RGS12: variants seen among roughly 807,000 people sequenced by gnomAD.
RGS12 encodes regulator of G protein signaling 12, also known as regulator of G-protein signaling 12.
Under a neutral mutation model 120.1 loss-of-function variants are expected in RGS12, and 66 were observed. The observed-to-expected ratio is 0.55, with a 90% CI of 0.45 to 0.67. The LOEUF (loss-of-function observed/expected upper bound fraction) is 0.67, where lower values mean the gene tolerates loss of function less well. Among genes scored for constraint, RGS12 ranks in the 30% least tolerant of loss-of-function variants. The pLI, the probability that RGS12 is intolerant of heterozygous loss-of-function variation, is 0.00. For synonymous variants in RGS12, 827 were observed against 804.7 expected (o/e 1.03, Z -0.47); for missense variants, 1,859 against 1,957.7 (o/e 0.95, Z 0.95).
At chr4:3,336,678 G>C (rs1578757330) in intron 2 of RGS12, among the ~76,000 whole-genome samples, 1 of 152,166 alleles carries the variant, frequency 6.6e-6, no homozygotes, top group Non-Finnish European at 1.5e-5. Context: ...GGAATTTTTA[G>C]TTCTAGCAGT....
intron 17 of RGS12, among the ~76,000 whole-genome samples, chr4:3,434,813 C>A (rs1470562471): frequency 1.3e-5 from 2 of 152,204 alleles, no homozygotes; most frequent in Non-Finnish European, 2.9e-5. Context: ...AACAAAAAGC[C>A]CGGGAGCTGG....
At chr4:3,377,034 C>T (rs1334628666) in intron 3 of RGS12, among the ~76,000 whole-genome samples, 1 of 145,188 alleles carries the variant, frequency 6.9e-6, no homozygotes, top group African/African-American at 2.6e-5. Context: ...TTTTTTGAGA[C>T]AGGGTCTCAC....
intron 4 of RGS12, among the ~76,000 whole-genome samples, chr4:3,395,350 A>G (rs775077030): frequency 2.0e-5 from 3 of 152,216 alleles, no homozygotes; most frequent in Non-Finnish European, 4.4e-5. Context: ...TGGTGCAAAT[A>G]TGGCATCGTT....
chr4:3,353,729 G>C (rs1714605285), intron 3 of RGS12, among the ~76,000 whole-genome samples: 1 of 152,154 alleles, frequency 6.6e-6, no homozygotes, highest in African/African-American at 2.4e-5. Flanking sequence ...GGGAACTAGG[G>C]AAATGACCAT....
Position 3,428,463 on chromosome 4 carries a change from A to G in RGS12, c.3412-95A>G, listed in dbSNP as rs915274332. The G allele has an allele frequency of 8.2e-6, 9 of 1,099,540 alleles. No homozygotes were observed. The African/African-American group carries it at 9.4e-5, about 12-fold the overall frequency. 68.1% of individuals were successfully genotyped at this position (1,099,540 alleles called of 1,614,324 possible). A position where few individuals can be genotyped will look rare whatever the true frequency, so the allele number is the denominator to read the frequency against. On this transcript the variant is annotated intron_variant, in intron 15 of 17. Coordinates refer to ENST00000336727, the MANE Select transcript of RGS12 (RefSeq NM_001394154.1). ...TGCATGTAAATTCTGTATCAATGCA[A>G]TCTATTTCATAGAGCCTTCTACTCT...
chr4:3,431,006 T>C (rs377358517), intron 17 of RGS12, 51 bp downstream of exon 17: 310 of 1,589,526 alleles, frequency 2.0e-4, no homozygotes, highest in Non-Finnish European at 2.5e-4. Flanking sequence ...CGTGGTCTGC[T>C]CAGCTTCCAG....
intron 10 of RGS12, 124 bp from the exon 11 acceptor site, chr4:3,422,252 G>C: frequency 1.2e-6 from 1 of 866,340 alleles, no homozygotes; most frequent in Non-Finnish European, 1.8e-6. Context: ...GCTGCAGGTG[G>C]GACCGTGGCA....
chr4:3,319,737 C>G (rs546121161), intron 2 of RGS12, among the ~76,000 whole-genome samples: 1 of 152,262 alleles, frequency 6.6e-6, no homozygotes, highest in East Asian at 1.9e-4. Flanking sequence ...GAGCCACACG[C>G]GCCTGGCCTC....
intron 3 of RGS12, chr4:3,385,352 AAC>A (rs1395928015): frequency 1.3e-5 from 2 of 152,404 alleles, no homozygotes; most frequent in African/African-American, 4.8e-5. Flanking sequence ...GATCAGATCA[AAC>A]ACGGGTTTGT....
chr4:3,367,251 G>A (rs912640788), intron 3 of RGS12, among the ~76,000 whole-genome samples: 13 of 152,256 alleles, frequency 8.5e-5, no homozygotes, highest in African/African-American at 1.2e-4. Flanking sequence ...CGGGGGCTTC[G>A]CCTTCTCTGG....
intron 4 of RGS12, among the ~76,000 whole-genome samples, chr4:3,395,021 A>T (rs1334245934): frequency 6.6e-6 from 1 of 151,464 alleles, no homozygotes; most frequent in Admixed American, 6.6e-5. Context: ...ATACAAAAAA[A>T]CAAAACAAAA....
intron 3 of RGS12, among the ~76,000 whole-genome samples, chr4:3,350,176 CAGTGTT>C (rs1172530203): frequency 2.0e-5 from 3 of 152,128 alleles, no homozygotes; most frequent in African/African-American, 7.2e-5. Context: ...ATTAAACTAA[CAGTGTT>C]AGTCTTAGTC....
intron 2 of RGS12, among the ~76,000 whole-genome samples, chr4:3,335,918 C>T (rs974684984): frequency 1.3e-5 from 2 of 151,996 alleles, no homozygotes; most frequent in Non-Finnish European, 2.9e-5. Flanking sequence ...AGTGAAACCC[C>T]GTCTCTACTA....
intron 4 of RGS12, among the ~76,000 whole-genome samples, chr4:3,388,818 T>C (rs957832370): frequency 2.0e-4 from 30 of 152,330 alleles, no homozygotes; most frequent in African/African-American, 7.0e-4. Context: ...GATCTTTTTA[T>C]AGGCTGTGGT....
chr4:3,321,283 C>T (rs1302372699), intron 2 of RGS12, among the ~76,000 whole-genome samples: 5 of 152,182 alleles, frequency 3.3e-5, no homozygotes, highest in Non-Finnish European at 7.3e-5. Context: ...TCTGACAGGA[C>T]TGTGAGTCCA....
At chr4:3,294,377 T>G (rs1723245840) in intron 1 of RGS12, among the ~76,000 whole-genome samples, 1 of 152,218 alleles carries the variant, frequency 6.6e-6, no homozygotes, top group Non-Finnish European at 1.5e-5. Context: ...CTGCTGGCCT[T>G]CCCCTAGAGA....
At position 3,316,917 on chromosome 4, in the gene RGS12, C is replaced by T. The variant is rs769148972; in HGVS notation, c.747C>T (p.Ser249=). The stretch of plus-strand genomic sequence containing the variant: ...CTTCCACGAGCTCCAACCTGGAGTC[C>T]GACAGCTTGCAAGCCATCCGCGGCT... ...ELPSTSSNLE[S]DSLQAIRGCM... Residue 249 remains serine, a synonymous_variant, in exon 2 of 18, where the codon TCC becomes TCT. Coordinates refer to ENST00000336727, the MANE Select transcript of RGS12 (RefSeq NM_001394154.1). 29 of 1,613,952 alleles carry T rather than the reference C, an allele frequency of 1.8e-5. No individual in the cohort carries two copies. Among genetic ancestry groups the T allele is most frequent in the Admixed American group, 5.0e-5 (3 of 60,030 alleles).
At chr4:3,437,556 G>A (rs1724929849) in intron 17 of RGS12, among the ~76,000 whole-genome samples, 1 of 152,220 alleles carries the variant, frequency 6.6e-6, no homozygotes, top group Non-Finnish European at 1.5e-5. Flanking sequence ...CTGGTGACAA[G>A]AAGGAGATGG....
intron 4 of RGS12, among the ~76,000 whole-genome samples, chr4:3,412,290 G>A (rs1721818581): frequency 6.6e-6 from 1 of 152,202 alleles, no homozygotes; most frequent in Non-Finnish European, 1.5e-5. Flanking sequence ...CTTTTCTCTG[G>A]ATTAGCGGGG....
Sources: allele counts gnomAD v4.1 joint callset (sites outside exome capture counted in the v4.1 genomes callset), GRCh38; gene constraint gnomAD v4.1.1; transcripts MANE v1.5; gene names NCBI Gene and HGNC (gene_info 2026-07-23, HGNC 2026-07-21).